Variants in TMC1 observed in about 807,000 individuals in gnomAD.
TMC1 encodes transmembrane channel-like protein 1.
Under a neutral mutation model 105.8 loss-of-function variants are expected in TMC1, and 84 were observed. The observed-to-expected ratio is 0.79, with a 90% CI of 0.67 to 0.95. The LOEUF (loss-of-function observed/expected upper bound fraction) is 0.95. Among genes scored for constraint, TMC1 ranks in the 40% least tolerant of loss-of-function variants. The probability of loss-of-function intolerance (pLI) is 0.00; values close to 1 mark genes in which losing one functional copy is unlikely to be tolerated. For synonymous variants in TMC1, 315 were observed against 311.5 expected (o/e 1.01, Z -0.12); for missense variants, 817 against 914.1 (o/e 0.89, Z 1.37).
chr9:72,538,434 A>ATTGTATTGTATTGTG (rs1554709819), intron 1 of TMC1, among the ~76,000 whole-genome samples: 9 of 147,730 alleles, frequency 6.1e-5, no homozygotes, highest in Non-Finnish European at 1.4e-4. Flanking sequence ...ATTGTATTGT[A>ATTGTATTGTATTGTG]TTGTATTGTA....
At chr9:72,766,297 G>T (rs1052670405) in intron 12 of TMC1, among the ~76,000 whole-genome samples, 4 of 151,580 alleles carry the variant, frequency 2.6e-5, no homozygotes, top group African/African-American at 9.7e-5. Flanking sequence ...GGTGCCTGTA[G>T]TCCCAGCTAC....
Position 72,692,211 on chromosome 9 carries a change from C to T in TMC1, c.65-2332C>T, listed in dbSNP as rs141210063. Among the ~76,000 whole-genome samples, 10 of 152,318 alleles carry T rather than the reference C, an allele frequency of 6.6e-5. No individual in the cohort carries two copies. The East Asian group carries it at 1.9e-3, about 29-fold the overall frequency. On this transcript the variant is annotated intron_variant, in intron 6 of 23. Coordinates refer to ENST00000297784, the MANE Select transcript of TMC1 (RefSeq NM_138691.3). ...TGTCAGTGCTCAGATTCTGGCAAGACAGAAACCAGTCCTTTGGGAACCTCC... is the reference window on the plus strand; with the variant it reads ...TGTCAGTGCTCAGATTCTGGCAAGATAGAAACCAGTCCTTTGGGAACCTCC...
At chr9:72,770,734 T>G (rs971197282) in intron 12 of TMC1, among the ~76,000 whole-genome samples, 5 of 152,160 alleles carry the variant, frequency 3.3e-5, no homozygotes, top group South Asian at 4.1e-4. Context: ...AAACCAGTGC[T>G]GTAATTCAGT....
At chr9:72,541,442 C>A (rs941963432) in intron 1 of TMC1, among the ~76,000 whole-genome samples, 2 of 152,056 alleles carry the variant, frequency 1.3e-5, no homozygotes, top group African/African-American at 2.4e-5. Flanking sequence ...AATCCGAGCA[C>A]TTTGGGAGGC....
At chr9:72,754,364 T>C (rs1827638591) in intron 11 of TMC1, among the ~76,000 whole-genome samples, 1 of 152,150 alleles carries the variant, frequency 6.6e-6, no homozygotes, top group Non-Finnish European at 1.5e-5. Flanking sequence ...TCTCTTGACA[T>C]GAAGGACAGA....
Position 72,814,762 on chromosome 9 carries a change from AC to A in TMC1, c.1696-1380del, listed in dbSNP as rs766104673. On this transcript the variant is annotated intron_variant, in intron 18 of 23. Coordinates refer to ENST00000297784, the MANE Select transcript of TMC1 (RefSeq NM_138691.3). The stretch of plus-strand genomic sequence containing the variant: ...TGAAGTTGAGGCCTGGATTCATGAG[AC>A]TCTTGAGGCCAAGCATTTGAAAATT... Among the ~76,000 whole-genome samples the A allele has an allele frequency of 3.9e-5, 6 of 152,008 alleles. No homozygotes were observed. The East Asian group carries it at 5.8e-4, about 15-fold the overall frequency.
intron 19 of TMC1, among the ~76,000 whole-genome samples, chr9:72,816,843 G>A (rs148591301): frequency 1.1e-4 from 17 of 152,166 alleles, no homozygotes; most frequent in East Asian, 1.9e-4. Flanking sequence ...AAGATGAGTC[G>A]ATACAGTAGA....
rs142195710 is a variant in TMC1 at position 72,523,579 on chromosome 9, T to C, written c.-428+1666T>C. 1.8e-4 allele frequency among the ~76,000 whole-genome samples: 27 copies of C among 152,240 alleles called. 1 individual carries two copies. Among genetic ancestry groups the C allele is most frequent in the Admixed American group, 5.9e-4 (9 of 15,288 alleles). ...CTGTTCATTAAGGGGAAGTAGATCATCATAAAGCTCTTCATCCTTGTCATC... is the reference window on the plus strand; with the variant it reads ...CTGTTCATTAAGGGGAAGTAGATCACCATAAAGCTCTTCATCCTTGTCATC... On this transcript the variant is annotated intron_variant, in intron 1 of 23. Transcript: ENST00000297784.
At chr9:72,692,538 G>A (rs1160232355) in intron 6 of TMC1, among the ~76,000 whole-genome samples, 1 of 152,100 alleles carries the variant, frequency 6.6e-6, no homozygotes, top group East Asian at 1.9e-4. Context: ...TCATCTTGTT[G>A]ATGTCATCCC....
chr9:72,734,824 T>C (rs1389749624), intron 8 of TMC1, among the ~76,000 whole-genome samples: 1 of 152,150 alleles, frequency 6.6e-6, no homozygotes, highest in East Asian at 1.9e-4. Flanking sequence ...AATCATACTA[T>C]CAAATTGAAA....
chr9:72,795,774 C>T (rs1469314954), intron 17 of TMC1, among the ~76,000 whole-genome samples: 1 of 151,990 alleles, frequency 6.6e-6, no homozygotes, highest in Non-Finnish European at 1.5e-5. Flanking sequence ...AACACAATGA[C>T]AGGATTAAAT....
rs145417715 is a variant in TMC1, at chr9:72,651,911, C to G, written c.16+3247C>G. 2.2e-3 allele frequency among the ~76,000 whole-genome samples: 336 copies of G among 152,194 alleles called. 3 individuals carry two copies. Among genetic ancestry groups the G allele is most frequent in the African/African-American group, 7.7e-3 (320 of 41,540 alleles). On this transcript the variant is annotated intron_variant, in intron 5 of 23. Coordinates refer to ENST00000297784, the MANE Select transcript of TMC1 (RefSeq NM_138691.3). Reference sequence around the variant, plus strand: ...GTGTAGTCTCTTATCCCTCACCCCCCATCCTTTCCCTTGACTCCCCAAAGT... The same window carrying G: ...GTGTAGTCTCTTATCCCTCACCCCCGATCCTTTCCCTTGACTCCCCAAAGT...
chr9:72,539,385 G>A (rs1481153958), intron 1 of TMC1, among the ~76,000 whole-genome samples: 2 of 152,052 alleles, frequency 1.3e-5, no homozygotes, highest in Admixed American at 6.6e-5. Flanking sequence ...CAGCCTGAGT[G>A]ACAGAGCAAG....
At chr9:72,828,849 C>T (rs895744710) in intron 21 of TMC1, among the ~76,000 whole-genome samples, 17 of 152,208 alleles carry the variant, frequency 1.1e-4, no homozygotes, top group African/African-American at 3.9e-4. Context: ...GCACACTTTT[C>T]CTAATTCGAG....
chr9:72,658,630 C>T (rs1295332104), intron 5 of TMC1, among the ~76,000 whole-genome samples: 1 of 152,198 alleles, frequency 6.6e-6, no homozygotes, highest in Non-Finnish European at 1.5e-5. Context: ...AAAACAGCTT[C>T]TTACATTTCT....
chr9:72,791,854 T>A (rs1052889027), intron 15 of TMC1, 32 bp from the exon 16 acceptor site: 9 of 1,587,746 alleles, frequency 5.7e-6, no homozygotes, highest in Non-Finnish European at 7.8e-6. Context: ...TAAACACCAT[T>A]AACCTAGTTT....
intron 3 of TMC1, 137 bp from the exon 4 acceptor site, chr9:72,627,784 A>G (rs539013782): frequency 6.6e-6 from 2 of 304,698 alleles, no homozygotes; most frequent in Non-Finnish European, 1.3e-5. Context: ...TCTTTTTAAC[A>G]AATCCTGTAG....
At chr9:72,830,429 A>G in intron 21 of TMC1, 22 bp from the exon 22 acceptor site, 1 of 1,557,872 alleles carries the variant, frequency 6.4e-7, no homozygotes, top group Non-Finnish European at 8.8e-7. Flanking sequence ...CTTACACTGT[A>G]TTTTTTTTCT....
chr9:72,544,404 C>G (rs1212498039), intron 1 of TMC1, among the ~76,000 whole-genome samples: 1 of 152,056 alleles, frequency 6.6e-6, no homozygotes, highest in Non-Finnish European at 1.5e-5. Flanking sequence ...TCTTTCCTAA[C>G]TCAAGGTCTT....
Sources: allele counts gnomAD v4.1 joint callset (sites outside exome capture counted in the v4.1 genomes callset), GRCh38; gene constraint gnomAD v4.1.1; transcripts MANE v1.5; gene names NCBI Gene and HGNC (gene_info 2026-07-23, HGNC 2026-07-21).